The following HMGCLL1 variants were observed in gnomAD, a reference collection of about 807,000 sequenced individuals.
HMGCLL1 encodes 3-hydroxymethyl-3-methylglutaryl-CoA lyase, cytoplasmic.
A neutral mutation model predicts 39.1 loss-of-function variants in HMGCLL1; 36 were observed. The ratio of observed to expected loss-of-function variants is 0.92; its 90% CI spans 0.71 to 1.22. The LOEUF is 1.22. HMGCLL1 is among the 50% of genes most tolerant of loss of function. HMGCLL1 has a pLI of 0.00. For missense variants in HMGCLL1, 451 were observed against 416.5 expected, an observed-to-expected ratio of 1.08 and a Z score of -0.72; for synonymous variants, 149 against 144.0, an observed-to-expected ratio of 1.03 and a Z score of -0.25.
chr6:55,486,275 G>T (rs1766022286), intron 7 of HMGCLL1, among the ~76,000 whole-genome samples: 1 of 151,684 alleles, frequency 6.6e-6, no homozygotes, highest in Non-Finnish European at 1.5e-5. Context: ...TGGAAAACAA[G>T]CCAATAAACT....
At chr6:55,435,931 G>A (rs949064144) in intron 8 of HMGCLL1, among the ~76,000 whole-genome samples, 168 bp from the exon 9 acceptor site, 5 of 152,010 alleles carry the variant, frequency 3.3e-5, no homozygotes, top group African/African-American at 1.2e-4. Context: ...CATGAATAAT[G>A]TTGTTAACAT....
intron 7 of HMGCLL1, among the ~76,000 whole-genome samples, chr6:55,473,764 G>A (rs1765154986): frequency 6.6e-6 from 1 of 151,352 alleles, no homozygotes; most frequent in Non-Finnish European, 1.5e-5. Flanking sequence ...TGTGAAGACT[G>A]TCTTTTTAAG....
intron 1 of HMGCLL1, among the ~76,000 whole-genome samples, chr6:55,569,820 CAG>C (rs1259924086): frequency 7.9e-5 from 12 of 152,310 alleles, no homozygotes; most frequent in African/African-American, 2.9e-4. Flanking sequence ...GCTAATGGCA[CAG>C]AGACAAAGCC....
rs142701104 is a variant in HMGCLL1 at position 55,482,029 on chromosome 6, A to G, written c.795+13390T>C. Reference sequence around the variant, plus strand: ...ATTTCCTAAAAAAAACAGTGCTTTTATTTCCACTTCTTCATAAAGTAGTCA... The same window carrying G: ...ATTTCCTAAAAAAAACAGTGCTTTTGTTTCCACTTCTTCATAAAGTAGTCA... On this transcript the variant is annotated intron_variant, in intron 7 of 8. Coordinates refer to ENST00000274901, the MANE Select transcript of HMGCLL1 (RefSeq NM_001042406.2). 1.4e-3 allele frequency among the ~76,000 whole-genome samples: 219 copies of G among 152,170 alleles called. 1 individual carries two copies. Among genetic ancestry groups the G allele is most frequent in the Middle Eastern group, 0.01 (3 of 294 alleles).
intron 7 of HMGCLL1, among the ~76,000 whole-genome samples, chr6:55,454,315 C>A (rs1764233597): frequency 6.6e-6 from 1 of 152,044 alleles, no homozygotes; most frequent in Non-Finnish European, 1.5e-5. Context: ...TTTTGGGGAG[C>A]CCTATAACAA....
chr6:55,643,075 T>C, the HMGCLL1 span, among the ~76,000 whole-genome samples: 5 of 152,148 alleles, frequency 3.3e-5, no homozygotes, highest in African/African-American at 1.2e-4. Flanking sequence ...ATTTCTTTAC[T>C]ATTGTGAATA....
At position 55,579,161 on chromosome 6, in the gene HMGCLL1, T is replaced by C. The variant is rs1771921465; in HGVS notation, c.-106A>G. 2.4e-6 allele frequency: 2 copies of C among 827,166 alleles called. No homozygotes were observed. The highest frequency in any genetic ancestry group is 1.5e-5 in the South Asian group (1 of 67,078). 51.2% of individuals were successfully genotyped at this position (827,166 alleles called of 1,614,324 possible). On this transcript the variant is annotated 5_prime_UTR_variant, in exon 1 of 9. Transcript: ENST00000274901. ...CCAGCTCGGGAGCGCGCCCCTCCGGTGCACTGGCTGTGAGGACCAGAGCTG... is the reference window on the plus strand; with the variant it reads ...CCAGCTCGGGAGCGCGCCCCTCCGGCGCACTGGCTGTGAGGACCAGAGCTG...
intron 7 of HMGCLL1, among the ~76,000 whole-genome samples, chr6:55,464,655 C>T (rs1764722072): frequency 1.3e-5 from 2 of 152,084 alleles, no homozygotes; most frequent in Admixed American, 1.3e-4. Flanking sequence ...AACTCAAATT[C>T]CTACCAGTTT....
intron 1 of HMGCLL1, 52 bp from the exon 2 acceptor site, chr6:55,542,192 T>G (rs755330325): frequency 8.2e-7 from 1 of 1,225,026 alleles, no homozygotes; most frequent in South Asian, 1.3e-5. Flanking sequence ...ATTGTTACAT[T>G]TGCTTATTTG....
intron 5 of HMGCLL1, among the ~76,000 whole-genome samples, chr6:55,504,123 T>C (rs899000277): frequency 6.6e-6 from 1 of 151,736 alleles, no homozygotes; most frequent in African/African-American, 2.4e-5. Flanking sequence ...TCTACCTTTC[T>C]TTTACTATAT....
chr6:55,470,937 A>G (rs1479509366), intron 7 of HMGCLL1, among the ~76,000 whole-genome samples: 1 of 151,582 alleles, frequency 6.6e-6, no homozygotes, highest in Non-Finnish European at 1.5e-5. Flanking sequence ...TGATCAAATC[A>G]CCTCCTACCA....
At chr6:55,553,234 T>G (rs545277280) in intron 1 of HMGCLL1, among the ~76,000 whole-genome samples, 86 of 137,484 alleles carry the variant, frequency 6.3e-4, no homozygotes, top group Non-Finnish European at 1.1e-3. Flanking sequence ...TATATACATG[T>G]ATTTACATAT....
chr6:55,502,326 T>C (rs1012671519), intron 5 of HMGCLL1, among the ~76,000 whole-genome samples: 1 of 151,758 alleles, frequency 6.6e-6, no homozygotes, highest in Non-Finnish European at 1.5e-5. Flanking sequence ...TTATCTGCAT[T>C]TTACTATTAG....
the HMGCLL1 span, among the ~76,000 whole-genome samples, chr6:55,660,026 G>A: frequency 4.3e-4 from 65 of 151,792 alleles, no homozygotes; most frequent in Middle Eastern, 0.014. Flanking sequence ...TAAAATAAAT[G>A]CCTCCTTCAG....
intron 7 of HMGCLL1, among the ~76,000 whole-genome samples, chr6:55,462,005 T>A (rs115435203): frequency 0.015 from 2,228 of 152,218 alleles, 32 homozygotes; most frequent in Non-Finnish European, 0.025. Flanking sequence ...ATAAATGACA[T>A]TCCTACCAAA....
At chr6:55,627,453 T>C in the HMGCLL1 span, among the ~76,000 whole-genome samples, 1 of 151,966 alleles carries the variant, frequency 6.6e-6, no homozygotes, top group Non-Finnish European at 1.5e-5. Context: ...TAAGATTATG[T>C]ATGATCTCAG....
At chr6:55,650,130 TATATAC>T in the HMGCLL1 span, among the ~76,000 whole-genome samples, 22 of 51,032 alleles carry the variant, frequency 4.3e-4, no homozygotes, top group East Asian at 6.2e-3. Context: ...TATATATATA[TATATAC>T]ACACACACAC....
At chr6:55,632,072 A>G in the HMGCLL1 span, among the ~76,000 whole-genome samples, 14,511 of 152,162 alleles carry the variant, frequency 0.095, 893 homozygotes, top group Middle Eastern at 0.16. Flanking sequence ...AAGTGAAGTC[A>G]TGAGTGAAAT....
intron 5 of HMGCLL1, among the ~76,000 whole-genome samples, chr6:55,511,843 G>C (rs1398592481): frequency 6.6e-6 from 1 of 152,094 alleles, no homozygotes; most frequent in East Asian, 1.9e-4. Context: ...GCATATTTCT[G>C]AAAATGAGAG....
Sources: allele counts gnomAD v4.1 joint callset (sites outside exome capture counted in the v4.1 genomes callset), GRCh38; gene constraint gnomAD v4.1.1; transcripts MANE v1.5; gene names NCBI Gene and HGNC (gene_info 2026-07-23, HGNC 2026-07-21).